LTK: variants seen among roughly 807,000 people sequenced by gnomAD.
LTK encodes the protein leukocyte tyrosine kinase receptor.
In LTK, 117 loss-of-function variants were observed where a neutral mutation model predicts 101.5. The ratio of observed to expected loss-of-function variants is 1.15; its 90% CI spans 0.99 to 1.34. The LOEUF is 1.34. Ranked by LOEUF, LTK falls within the 40% of genes most tolerant of loss-of-function variation. The pLI, the probability that LTK is intolerant of heterozygous loss-of-function variation, is 0.00. For missense variants in LTK, 1,252 were observed against 1,164.7 expected, an observed-to-expected ratio of 1.07 and a Z score of -1.09; for synonymous variants, 563 against 494.2, an observed-to-expected ratio of 1.14 and a Z score of -1.85.
intron 13 of LTK, 33 bp downstream of exon 13, chr15:41,505,680 G>C (rs553446592): frequency 6.2e-7 from 1 of 1,612,338 alleles, no homozygotes; most frequent in South Asian, 1.1e-5. Context: ...TTCCCCTCCC[G>C]CCTTCCAGCC....
chr15:41,507,049 G>A lies in LTK; in HGVS notation c.1541+46C>T, dbSNP rs751500228. The A allele has an allele frequency of 6.5e-6, 10 of 1,532,726 alleles. No homozygotes were observed. In the Admixed American group the frequency reaches 1.6e-4, roughly 24 times the overall value. The allele number at this position is 1,532,726 out of a possible 1,614,324, so 94.9% of individuals were successfully genotyped here. A position where few individuals can be genotyped will look rare whatever the true frequency, so the allele number is the denominator to read the frequency against. ...CTACAGCAGGGAGAGAATCAGAGGT[G>A]GGGATTCAGAGTGCATAGGTTCTCA... On this transcript the variant is annotated intron_variant, in intron 11 of 19. Coordinates refer to ENST00000263800, the MANE Select transcript of LTK (RefSeq NM_002344.6).
intron 11 of LTK, among the ~76,000 whole-genome samples, 161 bp from the exon 12 acceptor site, chr15:41,506,166 G>C (rs918854162): frequency 1.3e-5 from 2 of 152,230 alleles, no homozygotes; most frequent in African/African-American, 2.4e-5. Context: ...AGCCCTGCAA[G>C]GGTGGTGCTC....
At chr15:41,506,524 C>G (rs367938171) in intron 11 of LTK, among the ~76,000 whole-genome samples, 1 of 151,918 alleles carries the variant, frequency 6.6e-6, no homozygotes, top group Admixed American at 6.6e-5. Flanking sequence ...AGGCTGGTCT[C>G]GAACCCCTGA....
chr15:41,511,096 T>G lies in LTK; in HGVS notation c.997+68A>C. 1 of 1,313,246 alleles carries G rather than the reference T, an allele frequency of 7.6e-7. No homozygotes were observed. The allele number at this position is 1,313,246 out of a possible 1,614,324, so 81.3% of individuals were successfully genotyped here. ...ACCTATCCTCCCGAGGGCTCCGGCC[T>G]GTACTTAGGTTCTAACATCACCTCA... On this transcript the variant is annotated intron_variant, in intron 7 of 19. Transcript: ENST00000263800. The surrounding 1 kb of genome is among the most constrained non-coding windows in gnomAD (Gnocchi z 5.9).
chr15:41,512,217 C>T lies in LTK; in HGVS notation c.408G>A (p.Leu136=), dbSNP rs773473493. 3 of 1,613,126 alleles carry T rather than the reference C, an allele frequency of 1.9e-6. No homozygotes were observed. The South Asian group carries it at 3.3e-5, about 18-fold the overall frequency. The change falls in exon 4 of 20, where the codon CTG becomes CTA. Residue 136 remains leucine, a synonymous_variant. Transcript: ENST00000263800. ...AAGGKGAKNH[L]SRAHGVFVSA... is the part of the protein sequence containing the mutation. ...AGACGAAGACGCCATGCGCCCGCGACAGGTGGTTCTTGGCGCCTTTGCCGC... is the reference window on the plus strand; with the variant it reads ...AGACGAAGACGCCATGCGCCCGCGATAGGTGGTTCTTGGCGCCTTTGCCGC...
rs754121765 is a variant in LTK at position 41,504,115 on chromosome 15, C to G, written c.2476G>C (p.Glu826Gln). 4 of 1,614,132 alleles carry G rather than the reference C, an allele frequency of 2.5e-6. No homozygotes were observed. The South Asian group carries it at 4.4e-5, about 18-fold the overall frequency. ...RPPQPQELSPEKLKSWGGSPL... is the reference protein window; with the variant it reads ...RPPQPQELSPQKLKSWGGSPL... ...CTACCTCCCCAGCTTTTCAACTTCT[C>G]TGGACTCAGTTCCTGGGGCTGTGGG... The change falls in exon 20 of 20, where the codon GAG (glutamate) becomes CAG (glutamine). Residue 826 changes from glutamate to glutamine, a missense_variant. By Grantham distance (29) the Glu-to-Gln change is conservative (BLOSUM62 2). Transcript: ENST00000263800.
chr15:41,504,612 A>C lies in LTK; in HGVS notation c.2149T>G (p.Phe717Val). ...GGATAGGGCATGTAGCCCAGTGAGA[A>C]GATCTCCCAGAGCAGCACCCCAAAA... ...WSFGVLLWEI[F>V]SLGYMPYPGR... is the part of the protein sequence containing the mutation. The change falls in exon 18 of 20, where the codon TTC becomes GTC. Residue 717 changes from phenylalanine to valine, a missense_variant. Coordinates refer to ENST00000263800, the MANE Select transcript of LTK (RefSeq NM_002344.6). 6.2e-7 allele frequency: 1 copy of C among 1,613,574 alleles called. No homozygotes were observed. Among genetic ancestry groups the C allele is most frequent in the Non-Finnish European group, 8.5e-7 (1 of 1,179,966 alleles).
rs1188492839 is a variant in LTK, at chr15:41,511,907, G to C, written c.567C>G (p.His189Gln). The change falls in exon 5 of 20, where the codon CAC becomes CAG. Residue 189 changes from histidine (H) to glutamine (Q), a missense_variant. Coordinates refer to ENST00000263800, the MANE Select transcript of LTK (RefSeq NM_002344.6). The surrounding 1 kb of genome is among the most constrained non-coding windows in gnomAD (Gnocchi z 5.9). Reference sequence around the variant, plus strand: ...CCCCTTCGCTCCCATCCATCGCCGCGTGCTCTTCAACGGCTCGAGACTCCC... The same window carrying C: ...CCCCTTCGCTCCCATCCATCGCCGCCTGCTCTTCAACGGCTCGAGACTCCC... ...CLGESRAVEE[H>Q]AAMDGSEGVP... The C allele has an allele frequency of 1.6e-5, 24 of 1,471,034 alleles. No homozygotes were observed. The highest frequency in any genetic ancestry group is 2.1e-5 in the Non-Finnish European group (24 of 1,122,676). 91.1% of individuals were successfully genotyped at this position (1,471,034 alleles called of 1,614,324 possible).
Position 41,503,837 on chromosome 15 carries a change from C to G in LTK, c.*159G>C. ...AGGCCTGGGCTGGTTTCCAGCATGGCAAGTGCAGCGCTGCCAGGCCAGCCC... is the reference window on the plus strand; with the variant it reads ...AGGCCTGGGCTGGTTTCCAGCATGGGAAGTGCAGCGCTGCCAGGCCAGCCC... On this transcript the variant is annotated 3_prime_UTR_variant, in exon 20 of 20. Coordinates refer to ENST00000263800, the MANE Select transcript of LTK (RefSeq NM_002344.6). 1 of 880,548 alleles carries G rather than the reference C, an allele frequency of 1.1e-6. No homozygotes were observed. The highest frequency in any genetic ancestry group is 1.7e-6 in the Non-Finnish European group (1 of 590,998). 54.5% of individuals were successfully genotyped at this position (880,548 alleles called of 1,614,324 possible).
intron 12 of LTK, 38 bp downstream of exon 12, chr15:41,505,877 G>T: frequency 6.3e-7 from 1 of 1,599,472 alleles, no homozygotes; most frequent in Non-Finnish European, 8.6e-7. Flanking sequence ...AGGGTGTTCC[G>T]CTCTCCTACC....
chr15:41,508,316 C>G, intron 8 of LTK, 95 bp from the exon 9 acceptor site: 1 of 1,106,652 alleles, frequency 9.0e-7, no homozygotes, highest in African/African-American at 1.6e-5. Context: ...CGCCTATAAT[C>G]ATTGCACTTT....
Position 41,512,963 on chromosome 15 carries a change from C to T in LTK, c.187+14G>A. ...TATGGTGAGCGAAAGAGGAAGGAGG[C>T]GTCTAAAGCTCACCCGGAGAATTCA... On this transcript the variant is annotated intron_variant, in intron 2 of 19. Coordinates refer to ENST00000263800, the MANE Select transcript of LTK (RefSeq NM_002344.6). 1 of 1,613,318 alleles carries T rather than the reference C, an allele frequency of 6.2e-7. No individual in the cohort carries two copies. Among genetic ancestry groups the T allele is most frequent in the Non-Finnish European group, 8.5e-7 (1 of 1,179,780 alleles).
Position 41,503,859 on chromosome 15 carries a change from G to T in LTK, c.*137C>A, listed in dbSNP as rs2051155388. 7.4e-6 allele frequency: 8 copies of T among 1,078,230 alleles called. No individual in the cohort carries two copies. The East Asian group carries it at 1.8e-4, about 24-fold the overall frequency. 66.8% of individuals were successfully genotyped at this position (1,078,230 alleles called of 1,614,324 possible). A position where few individuals can be genotyped will look rare whatever the true frequency, so the allele number is the denominator to read the frequency against. ...TGGCAAGTGCAGCGCTGCCAGGCCA[G>T]CCCCGAGACAGGCCCAGACACACAG... On this transcript the variant is annotated 3_prime_UTR_variant, in exon 20 of 20. Transcript: ENST00000263800.
At chr15:41,508,970 T>C (rs1185880674) in intron 8 of LTK, 61 bp downstream of exon 8, 3 of 1,138,230 alleles carry the variant, frequency 2.6e-6, no homozygotes, top group Non-Finnish European at 1.3e-6. Context: ...AGTGCAGGAG[T>C]GGGCTCAGGG....
intron 1 of LTK, among the ~76,000 whole-genome samples, chr15:41,513,361 G>C (rs1362274263): frequency 6.6e-6 from 1 of 152,188 alleles, no homozygotes; most frequent in Non-Finnish European, 1.5e-5. Flanking sequence ...CTTAGGGGCC[G>C]CAATGAATTT....
In LTK at chr15:41,507,484, G is replaced by A. The variant is rs367603132; in HGVS notation, c.1345+78C>T. Reference sequence around the variant, plus strand: ...GGTGAGTGGTCTTGAAGTCAGCCCCGGGACCCCGCAGAAACCCATCCCAGC... The same window carrying A: ...GGTGAGTGGTCTTGAAGTCAGCCCCAGGACCCCGCAGAAACCCATCCCAGC... On this transcript the variant is annotated intron_variant, in intron 10 of 19. Coordinates refer to ENST00000263800, the MANE Select transcript of LTK (RefSeq NM_002344.6). 1.2e-4 allele frequency: 196 copies of A among 1,569,866 alleles called. 3 individuals carry two copies. Among genetic ancestry groups the A allele is most frequent in the East Asian group, 3.8e-4 (16 of 41,696 alleles).
chr15:41,506,119 T>C (rs1566866378), intron 11 of LTK, 114 bp from the exon 12 acceptor site: 3 of 674,982 alleles, frequency 4.4e-6, no homozygotes, highest in Non-Finnish European at 8.0e-6. Context: ...TGACCCTATA[T>C]AGACTCTCTC....
intron 15 of LTK, 70 bp from the exon 16 acceptor site, chr15:41,505,134 A>G: frequency 1.3e-6 from 2 of 1,587,000 alleles, no homozygotes; most frequent in Non-Finnish European, 8.6e-7. Flanking sequence ...TATTTCCTTA[A>G]AAGCTGTGTG....
At chr15:41,512,090 C>T (rs1867418) in intron 4 of LTK, 25 bp downstream of exon 4, 9 of 1,568,410 alleles carry the variant, frequency 5.7e-6, no homozygotes, top group Non-Finnish European at 7.8e-6. Context: ...GCCGGCGCCG[C>T]CCCATCCCCA....
Sources: allele counts gnomAD v4.1 joint callset (sites outside exome capture counted in the v4.1 genomes callset), GRCh38; gene constraint gnomAD v4.1.1; non-coding constraint Gnocchi (gnomAD v3.1); transcripts MANE v1.5; gene names NCBI Gene and HGNC (gene_info 2026-07-23, HGNC 2026-07-21).